The following B3GALT1 variants were observed in gnomAD, a reference collection of about 807,000 sequenced individuals.
The protein encoded by B3GALT1 is beta-1,3-galactosyltransferase 1.
B3GALT1 carries 10 observed loss-of-function variants against 23.2 expected under a neutral mutation model. The observed-to-expected ratio is 0.43, with a 90% CI of 0.27 to 0.73. The LOEUF (loss-of-function observed/expected upper bound fraction) is 0.73, where lower values mean the gene tolerates loss of function less well. B3GALT1 is among the 30% of genes least tolerant of loss of function. The pLI is 0.21. For missense variants in B3GALT1, 299 were observed against 405.4 expected, an observed-to-expected ratio of 0.74 and a Z score of 2.25; for synonymous variants, 156 against 141.5, an observed-to-expected ratio of 1.10 and a Z score of -0.73.
intron 3 of B3GALT1, among the ~76,000 whole-genome samples, chr2:167,727,209 G>C (rs773406876): frequency 1.1e-4 from 17 of 152,118 alleles, no homozygotes; most frequent in Non-Finnish European, 2.2e-4. Context: ...TTGGAAGCTA[G>C]ATGTGATTAT....
At chr2:167,515,948 A>G (rs967347752) in intron 2 of B3GALT1, among the ~76,000 whole-genome samples, 1 of 152,130 alleles carries the variant, frequency 6.6e-6, no homozygotes, top group South Asian at 2.1e-4. Context: ...TTCTAGGCCT[A>G]TCTATGTATT....
intron 2 of B3GALT1, among the ~76,000 whole-genome samples, chr2:167,589,715 A>G (rs1271394621): frequency 6.6e-6 from 1 of 152,110 alleles, no homozygotes; most frequent in Admixed American, 6.5e-5. Context: ...CATTAAAATT[A>G]TATATTATTT....
chr2:167,807,943 C>T (rs1688792201), intron 3 of B3GALT1, among the ~76,000 whole-genome samples: 1 of 152,088 alleles, frequency 6.6e-6, no homozygotes, highest in Non-Finnish European at 1.5e-5. Context: ...GTCTAAGTCT[C>T]TTTGTAGGTC....
intron 2 of B3GALT1, among the ~76,000 whole-genome samples, chr2:167,630,965 C>G (rs983226747): frequency 1.2e-4 from 17 of 136,806 alleles, no homozygotes; most frequent in African/African-American, 4.8e-4. Flanking sequence ...GAAAAAGAAA[C>G]TATCAACCAT....
chr2:167,494,187 T>A (rs1699746761), intron 2 of B3GALT1, among the ~76,000 whole-genome samples: 1 of 152,096 alleles, frequency 6.6e-6, no homozygotes, highest in Non-Finnish European at 1.5e-5. Context: ...TGTCTAAGAT[T>A]ACAGCATTTT....
rs192846084 is a variant in B3GALT1, at chr2:167,804,022, G to C, written c.-351-14650G>C. Among the ~76,000 whole-genome samples the C allele has an allele frequency of 2.0e-4, 31 of 152,304 alleles. No individual in the cohort carries two copies. In the East Asian group the frequency reaches 5.0e-3, roughly 25 times the overall value. ...TTCTCAAAATGTCTTTTGAGATGGA[G>C]TCTCACTCTGCTGCCCAGGCTGGAG... On this transcript the variant is annotated intron_variant, in intron 3 of 4. Coordinates refer to ENST00000392690, the MANE Select transcript of B3GALT1 (RefSeq NM_020981.4).
intron 4 of B3GALT1, among the ~76,000 whole-genome samples, chr2:167,864,651 A>AG (rs930174868): frequency 6.6e-6 from 1 of 152,180 alleles, no homozygotes; most frequent in Admixed American, 6.5e-5. Flanking sequence ...CCCATCCAAG[A>AG]TATTGCCTAT....
chr2:167,363,211 A>G (rs1375145010), intron 1 of B3GALT1, among the ~76,000 whole-genome samples: 2 of 151,744 alleles, frequency 1.3e-5, no homozygotes, highest in African/African-American at 4.8e-5. Flanking sequence ...CACCGCACCC[A>G]GGAGCATTCA....
chr2:167,548,685 A>AGAGTGTGTGT (rs1553466241), intron 2 of B3GALT1, among the ~76,000 whole-genome samples: 1 of 144,706 alleles, frequency 6.9e-6, no homozygotes, highest in Non-Finnish European at 1.5e-5. Flanking sequence ...CGTGTGTGTG[A>AGAGTGTGTGT]GTGTGTGTGT....
chr2:167,713,745 A>C, intron 3 of B3GALT1: 1 of 1,579,618 alleles, frequency 6.3e-7, no homozygotes, highest in South Asian at 1.1e-5. Flanking sequence ...TACCTTCAGA[A>C]TGTGGGGTTG....
chr2:167,345,986 G>A (rs1697217837), intron 1 of B3GALT1, among the ~76,000 whole-genome samples: 1 of 151,142 alleles, frequency 6.6e-6, no homozygotes, highest in African/African-American at 2.4e-5. Flanking sequence ...TTAGCACAGA[G>A]GTGGAGTCCC....
At chr2:167,837,108 A>C (rs1486736730) in intron 4 of B3GALT1, among the ~76,000 whole-genome samples, 1 of 152,232 alleles carries the variant, frequency 6.6e-6, no homozygotes, top group Non-Finnish European at 1.5e-5. Context: ...GCTAGGAAGA[A>C]ACTGCATCAA....
At chr2:167,471,166 A>C (rs2105330957) in intron 1 of B3GALT1, among the ~76,000 whole-genome samples, 1 of 152,322 alleles carries the variant, frequency 6.6e-6, no homozygotes, top group Non-Finnish European at 1.5e-5. Context: ...TTTCCTAAAA[A>C]GGCCTGTGGG....
intron 1 of B3GALT1, among the ~76,000 whole-genome samples, chr2:167,357,784 C>A (rs1001560577): frequency 2.0e-5 from 3 of 152,158 alleles, no homozygotes; most frequent in Admixed American, 2.0e-4. Context: ...TTCTTTATAT[C>A]TGTTTGGACA....
intron 1 of B3GALT1, among the ~76,000 whole-genome samples, chr2:167,384,452 ACTC>A (rs1158413632): frequency 3.3e-5 from 5 of 151,924 alleles, no homozygotes; most frequent in African/African-American, 1.2e-4. Flanking sequence ...TAAATTCTAA[ACTC>A]TTATTTTTGA....
intron 1 of B3GALT1, among the ~76,000 whole-genome samples, chr2:167,373,990 T>TA (rs1242859572): frequency 1.3e-5 from 2 of 152,184 alleles, no homozygotes; most frequent in African/African-American, 4.8e-5. Flanking sequence ...ACACTTAGGT[T>TA]AGTTTTTCAA....
rs112303519 is a variant in B3GALT1 at position 167,433,958 on chromosome 2, A to G, written c.-510-56219A>G. The stretch of plus-strand genomic sequence containing the variant: ...AATAAAACAACCATGTAATGGAAGG[A>G]AACATGTCAAAGCTTAAAGATATAA... On this transcript the variant is annotated intron_variant, in intron 1 of 4. Transcript: ENST00000392690. 4.3e-3 allele frequency among the ~76,000 whole-genome samples: 656 copies of G among 152,196 alleles called. 9 individuals carry two copies. Among genetic ancestry groups the G allele is most frequent in the African/African-American group, 0.015 (624 of 41,492 alleles).
chr2:167,453,483 A>G (rs1411676864), intron 1 of B3GALT1, among the ~76,000 whole-genome samples: 2 of 152,252 alleles, frequency 1.3e-5, no homozygotes, highest in African/African-American at 4.8e-5. Context: ...TAATTATCAC[A>G]AGGTTAATGC....
chr2:167,337,924 A>G (rs1453672345), intron 1 of B3GALT1, among the ~76,000 whole-genome samples: 1 of 152,184 alleles, frequency 6.6e-6, no homozygotes, highest in African/African-American at 2.4e-5. Context: ...AACCAGTTAG[A>G]GGAGCTTTCT....
Sources: allele counts gnomAD v4.1 joint callset (sites outside exome capture counted in the v4.1 genomes callset), GRCh38; gene constraint gnomAD v4.1.1; transcripts MANE v1.5; gene names NCBI Gene and HGNC (gene_info 2026-07-23, HGNC 2026-07-21).